FHIT: variants seen among roughly 807,000 people sequenced by gnomAD.
FHIT encodes fragile histidine triad diadenosine triphosphatase.
A neutral mutation model predicts 17.9 loss-of-function variants in FHIT; 19 were observed. That is an observed-to-expected ratio of 1.06 (90% CI 0.74 to 1.56). The LOEUF (loss-of-function observed/expected upper bound fraction) is 1.56. Ranked by LOEUF, FHIT falls within the 40% of genes most tolerant of loss-of-function variation. The pLI is 0.00. For missense variants in FHIT, 248 were observed against 189.2 expected (o/e 1.31, Z -1.82); for synonymous variants, 81 against 69.7 (o/e 1.16, Z -0.81).
intron 2 of FHIT, among the ~76,000 whole-genome samples, chr3:61,134,919 T>C (rs1219239067): frequency 1.3e-5 from 2 of 152,136 alleles, no homozygotes; most frequent in Non-Finnish European, 2.9e-5. Context: ...GGGCATTTAT[T>C]CCCACAGACG....
At chr3:60,498,247 T>G (rs912085842) in intron 5 of FHIT, among the ~76,000 whole-genome samples, 5 of 152,328 alleles carry the variant, frequency 3.3e-5, no homozygotes, top group Non-Finnish European at 5.9e-5. Flanking sequence ...ATGTATGTTT[T>G]AATCAGTGTA....
chr3:60,429,548 G>A (rs1449208708), intron 5 of FHIT, among the ~76,000 whole-genome samples: 1 of 151,962 alleles, frequency 6.6e-6, no homozygotes, highest in African/African-American at 2.4e-5. Flanking sequence ...GCAAACCCTG[G>A]CAAGAGCCTC....
chr3:60,368,569 G>A (rs1700201603), intron 5 of FHIT, among the ~76,000 whole-genome samples: 2 of 151,972 alleles, frequency 1.3e-5, no homozygotes, highest in Admixed American at 1.3e-4. Context: ...CTGCATACAT[G>A]TCTTTTGTCA....
intron 3 of FHIT, among the ~76,000 whole-genome samples, chr3:60,932,489 G>T (rs1553772063): frequency 6.6e-6 from 1 of 152,132 alleles, no homozygotes; most frequent in African/African-American, 2.4e-5. Flanking sequence ...AGAATTGGAG[G>T]AAAGAGTCTG....
chr3:60,648,561 A>C (rs1173277109), intron 4 of FHIT, among the ~76,000 whole-genome samples: 6 of 152,136 alleles, frequency 3.9e-5, no homozygotes, highest in Non-Finnish European at 5.9e-5. Context: ...ATTGCTAAAA[A>C]CACCACATGC....
chr3:59,918,593 C>G (rs146237065), intron 8 of FHIT, among the ~76,000 whole-genome samples: 1 of 152,108 alleles, frequency 6.6e-6, no homozygotes, highest in East Asian at 1.9e-4. Context: ...AAACAGCATG[C>G]CCAGTATACC....
chr3:60,079,944 T>C (rs1703203637), intron 5 of FHIT, among the ~76,000 whole-genome samples: 1 of 152,184 alleles, frequency 6.6e-6, no homozygotes, highest in South Asian at 2.1e-4. Flanking sequence ...TGATAGATTT[T>C]TTTTCTACTC....
chr3:59,809,281 G>T (rs767791841), intron 8 of FHIT, among the ~76,000 whole-genome samples: 1 of 152,170 alleles, frequency 6.6e-6, no homozygotes, highest in Non-Finnish European at 1.5e-5. Context: ...GGACATCAAC[G>T]GAGGGCAGAA....
rs114483528 is a variant in FHIT, at chr3:60,397,805, T to C, written c.103+139055A>G. 4.1e-3 allele frequency among the ~76,000 whole-genome samples: 625 copies of C among 152,326 alleles called. 8 individuals carry two copies. The highest frequency in any genetic ancestry group is 0.014 in the African/African-American group (602 of 41,580). On this transcript the variant is annotated intron_variant, in intron 5 of 9. Transcript: ENST00000492590. ...TCCTGTTTGGCACACTTTCCTCTGA[T>C]TGATCCTCACCTTTCACCTATTTTA...
At chr3:60,059,228 G>T (rs1702206458) in intron 5 of FHIT, among the ~76,000 whole-genome samples, 1 of 152,194 alleles carries the variant, frequency 6.6e-6, no homozygotes, top group South Asian at 2.1e-4. Flanking sequence ...CAGTTTTCAG[G>T]AGTTGGGCGA....
At chr3:60,760,830 G>A (rs1303253002) in intron 4 of FHIT, among the ~76,000 whole-genome samples, 1 of 152,194 alleles carries the variant, frequency 6.6e-6, no homozygotes, top group Admixed American at 6.5e-5. Flanking sequence ...GTACGTGGCA[G>A]TTGCTAGGAA....
At chr3:60,994,602 A>T (rs1205307275) in intron 3 of FHIT, among the ~76,000 whole-genome samples, 3 of 152,190 alleles carry the variant, frequency 2.0e-5, no homozygotes, top group Non-Finnish European at 4.4e-5. Context: ...CATGCCGATC[A>T]AGTACTTAAA....
chr3:60,029,281 A>G (rs901025006), intron 5 of FHIT, among the ~76,000 whole-genome samples: 6 of 152,178 alleles, frequency 3.9e-5, no homozygotes, highest in African/African-American at 1.4e-4. Context: ...TTGCGTGGTC[A>G]TTTTTATAGT....
At chr3:60,517,687 T>C (rs886782290) in intron 5 of FHIT, among the ~76,000 whole-genome samples, 1 of 152,202 alleles carries the variant, frequency 6.6e-6, no homozygotes, top group African/African-American at 2.4e-5. Flanking sequence ...TAACGTCATA[T>C]TGAATATAGT....
intron 7 of FHIT, among the ~76,000 whole-genome samples, chr3:59,968,367 T>C (rs939911875): frequency 1.3e-5 from 2 of 151,902 alleles, no homozygotes; most frequent in African/African-American, 4.8e-5. Flanking sequence ...AACTTTAAGG[T>C]GGTCAGAAAG....
intron 1 of FHIT, among the ~76,000 whole-genome samples, chr3:61,210,336 C>T (rs1281257265): frequency 6.6e-6 from 1 of 152,214 alleles, no homozygotes; most frequent in East Asian, 1.9e-4. Flanking sequence ...TCAAAGCTGT[C>T]AGACAGGGAC....
At chr3:60,699,462 T>C (rs2041189046) in intron 4 of FHIT, among the ~76,000 whole-genome samples, 1 of 152,188 alleles carries the variant, frequency 6.6e-6, no homozygotes, top group African/African-American at 2.4e-5. Flanking sequence ...ATTGCTTTGA[T>C]AACTAATGGG....
At chr3:60,139,019 G>A (rs538340914) in intron 5 of FHIT, among the ~76,000 whole-genome samples, 13 of 152,218 alleles carry the variant, frequency 8.5e-5, no homozygotes, top group Admixed American at 2.0e-4. Context: ...CCAAAAGCCC[G>A]ATGTCTCCTC....
chr3:60,484,743 T>C (rs2033762898), intron 5 of FHIT, among the ~76,000 whole-genome samples: 1 of 152,064 alleles, frequency 6.6e-6, no homozygotes, highest in Non-Finnish European at 1.5e-5. Flanking sequence ...GCAATACCAT[T>C]GGGCAAAGAC....
Sources: allele counts gnomAD v4.1 joint callset (sites outside exome capture counted in the v4.1 genomes callset), GRCh38; gene constraint gnomAD v4.1.1; transcripts MANE v1.5; gene names NCBI Gene and HGNC (gene_info 2026-07-23, HGNC 2026-07-21).